Variants in MYOM3 observed in about 807,000 individuals in gnomAD.
MYOM3 encodes myomesin-3.
A neutral mutation model predicts 191.7 loss-of-function variants in MYOM3; 155 were observed. That is an observed-to-expected ratio of 0.81 (90% CI 0.71 to 0.92). MYOM3 has a LOEUF of 0.92. MYOM3 is among the 40% of genes least tolerant of loss of function. MYOM3 has a pLI of 0.00. For synonymous variants in MYOM3, 757 were observed against 762.9 expected (o/e 0.99, Z 0.13); for missense variants, 1,889 against 1,890.6 (o/e 1.00, Z 0.02).
rs566350431 is a variant in MYOM3, at chr1:24,074,133, TGGCAGGGAGCG to T, written c.2968+16_2968+26del. Reference sequence around the variant, plus strand: ...GTTTGGGACTCTCTCTCTGGGGAGGTGGCAGGGAGCGGGGTAGGTGCATTACCTTCCTCGGT... The same window carrying T: ...GTTTGGGACTCTCTCTCTGGGGAGGTGGGTAGGTGCATTACCTTCCTCGGT... On this transcript the variant is annotated intron_variant, in intron 23 of 36. Coordinates refer to ENST00000374434, the MANE Select transcript of MYOM3 (RefSeq NM_152372.4). 8.1e-5 allele frequency: 126 copies of T among 1,556,040 alleles called. 1 individual carries two copies. The African/African-American group carries it at 1.5e-3, about 19-fold the overall frequency.
At chr1:24,107,620 C>T (rs374610636) in intron 3 of MYOM3, among the ~76,000 whole-genome samples, 3 of 152,196 alleles carry the variant, frequency 2.0e-5, no homozygotes, top group African/African-American at 7.2e-5. Flanking sequence ...TGCCTCTCCA[C>T]GCCGGCACAC....
In MYOM3 at chr1:24,081,403, G is replaced by C. The variant is rs1299129846; in HGVS notation, c.2334C>G (p.Asn778Lys). The part of the protein sequence containing the change: ...HFYEFRARAA[N>K]WAGVGELSAP... ...CCGACAGCTCGCCAACACCTGCCCA[G>C]TTGGCAGCCCGGGCACGGAACTCAT... The change falls in exon 19 of 37, where the codon AAC becomes AAG. Residue 778 changes from asparagine (N) to lysine (K), a missense_variant. Coordinates refer to ENST00000374434, the MANE Select transcript of MYOM3 (RefSeq NM_152372.4). 2.7e-5 allele frequency: 43 copies of C among 1,614,080 alleles called. No individual in the cohort carries two copies. Among genetic ancestry groups the C allele is most frequent in the Non-Finnish European group, 3.6e-5 (42 of 1,180,048 alleles).
Position 24,106,016 on chromosome 1 carries a change from C to T in MYOM3, c.464G>A (p.Trp155Ter). The T allele has an allele frequency of 6.2e-7, 1 of 1,613,966 alleles. No homozygotes were observed. The highest frequency in any genetic ancestry group is 8.5e-7 in the Non-Finnish European group (1 of 1,179,992). The change falls in exon 5 of 37, where the codon TGG (tryptophan) becomes TAG (stop). Residue 155 changes from tryptophan (W) to a stop codon, truncating the protein, a stop_gained. Transcript: ENST00000374434. LOFTEE classifies it high-confidence loss of function. Reference protein sequence around the residue: ...LRELCYGRGPWFWIPLRSHAV... With the variant: ...LRELCYGRGP ...GTGGGAGCGAAGAGGGATCCAGAAC[C>T]AGGGCCCGCGGCCGTAGCACAGCTC...
chr1:24,091,134 G>T, intron 11 of MYOM3, 138 bp from the exon 12 acceptor site: 1 of 1,028,614 alleles, frequency 9.7e-7, no homozygotes, highest in Non-Finnish European at 1.4e-6. Flanking sequence ...CTCTCCAATG[G>T]AAGAGCCTGG....
chr1:24,090,327 G>A (rs1643801166), intron 12 of MYOM3, among the ~76,000 whole-genome samples: 2 of 152,328 alleles, frequency 1.3e-5, no homozygotes, highest in Non-Finnish European at 2.9e-5. Flanking sequence ...CCTGGCACAT[G>A]CTCTTCCTCT....
At chr1:24,108,842 G>A (rs1424765935) in intron 1 of MYOM3, among the ~76,000 whole-genome samples, 188 bp from the exon 2 acceptor site, 1 of 152,204 alleles carries the variant, frequency 6.6e-6, no homozygotes, top group Non-Finnish European at 1.5e-5. Context: ...CAGGCCTTGG[G>A]CTCTGAGCCA....
At position 24,068,041 on chromosome 1, in the gene MYOM3, G is replaced by A. The variant is rs1411793549; in HGVS notation, c.3296-12C>T. On this transcript the variant is annotated splice_polypyrimidine_tract_variant and intron_variant, in intron 26 of 36. Transcript: ENST00000374434. ...AAGCTTGTCAAAATCTGTGAACACA[G>A]AGGGAGGAACTGGCATGAGCCGAGA... 1.2e-6 allele frequency: 2 copies of A among 1,614,162 alleles called. No homozygotes were observed. The highest frequency in any genetic ancestry group is 8.5e-7 in the Non-Finnish European group (1 of 1,179,974).
Position 24,084,584 on chromosome 1 carries a change from G to A in MYOM3, c.1854C>T (p.Val618=). The part of the protein sequence containing the change: ...VQAFRDTQTS[V]SLTWDPVKDP... ...CTTTCACAGGATCCCATGTCAGGGA[G>A]ACAGAGGTCTGTGTGTCTCTGAAAG... Residue 618 remains valine (V), a synonymous_variant, in exon 16 of 37, where the codon GTC becomes GTT. Transcript: ENST00000374434. 1 of 1,614,130 alleles carries A rather than the reference G, an allele frequency of 6.2e-7. No homozygotes were observed. The highest frequency in any genetic ancestry group is 8.5e-7 in the Non-Finnish European group (1 of 1,180,000).
In MYOM3 at chr1:24,057,582, T is replaced by A; in HGVS notation, c.4096A>T (p.Ile1366Phe). The A allele has an allele frequency of 6.2e-7, 1 of 1,614,090 alleles. No individual in the cohort carries two copies. Among genetic ancestry groups the A allele is most frequent in the Non-Finnish European group, 8.5e-7 (1 of 1,180,008 alleles). Residue 1366 changes from isoleucine (I) to phenylalanine (F), a missense_variant, in exon 37 of 37, where the codon ATC becomes TTC. Coordinates refer to ENST00000374434, the MANE Select transcript of MYOM3 (RefSeq NM_152372.4). ...GGCTGGTCATTCTTCAGCCAAGAGA[T>A]TTCAGGGGTGGGGTCTCCTGAGACG... ...CIVSGDPTPE[I>F]SWLKNDQPVT...
intron 34 of MYOM3, 80 bp from the exon 35 acceptor site, chr1:24,061,162 T>A: frequency 6.2e-7 from 1 of 1,608,420 alleles, no homozygotes; most frequent in Non-Finnish European, 8.5e-7. Flanking sequence ...TGAGGGGTGA[T>A]GAAGGAAAGG....
rs974422122 is a variant in MYOM3, at chr1:24,063,663, G to C, written c.3623-133C>G. 1.0e-6 allele frequency: 1 copy of C among 990,960 alleles called. No homozygotes were observed. The allele number at this position is 990,960 out of a possible 1,614,324, so 61.4% of individuals were successfully genotyped here. ...AGGGGGACAGGCAACTCTGTAGGAT[G>C]ACTCTCATAGCTTGGGGATAGGAGG... On this transcript the variant is annotated intron_variant, in intron 30 of 36. Transcript: ENST00000374434. This position sits in a 1 kb window ranked among gnomAD's most constrained non-coding sequence, Gnocchi z 4.5.
intron 6 of MYOM3, 81 bp downstream of exon 6, chr1:24,099,599 G>A: frequency 2.7e-6 from 3 of 1,122,852 alleles, no homozygotes; most frequent in East Asian, 2.4e-5. Flanking sequence ...CCTCAGCTCC[G>A]AGGAAGGGTT....
chr1:24,067,342 TTCTTTC>T (rs1233969938), intron 27 of MYOM3, among the ~76,000 whole-genome samples: 1 of 75,742 alleles, frequency 1.3e-5, no homozygotes, highest in African/African-American at 5.2e-5. Context: ...CTTTCTTTCT[TTCTTTC>T]TTTCTTTCTT....
chr1:24,065,383 G>A (rs150854094), intron 29 of MYOM3, among the ~76,000 whole-genome samples: 151 of 152,332 alleles, frequency 9.9e-4, no homozygotes, highest in African/African-American at 3.6e-3. Context: ...TCCACCAAAG[G>A]CCATGGGGGA....
Position 24,099,692 on chromosome 1 carries a change from A to T in MYOM3, c.644T>A (p.Leu215Gln), listed in dbSNP as rs370483092. 2.5e-5 allele frequency: 40 copies of T among 1,612,914 alleles called. No homozygotes were observed. The African/African-American group carries it at 5.2e-4, about 21-fold the overall frequency. ...RITNNYGLLSLEIRRCAIEDS... is the reference protein window; with the variant it reads ...RITNNYGLLSQEIRRCAIEDS... ...TCTCCAGTCTCACCTCCTAATCTCC[A>T]GGGACAGCAGCCCGTAGTTGTTGGT... Residue 215 changes from leucine to glutamine, a missense_variant, in exon 6 of 37, where the codon CTG becomes CAG. Transcript: ENST00000374434.
At chr1:24,102,342 C>A (rs961484098) in intron 5 of MYOM3, among the ~76,000 whole-genome samples, 1 of 152,146 alleles carries the variant, frequency 6.6e-6, no homozygotes, top group African/African-American at 2.4e-5. Context: ...AGGCCCCCTA[C>A]CACACACCTG....
At chr1:24,069,047 A>G (rs998957099) in intron 25 of MYOM3, among the ~76,000 whole-genome samples, 2 of 152,162 alleles carry the variant, frequency 1.3e-5, no homozygotes, top group African/African-American at 4.8e-5. Context: ...TTCTTTTAAA[A>G]TAGGAAAAAC....
At chr1:24,066,779 C>T (rs11805129) in intron 28 of MYOM3, 78,783 of 500,724 alleles carry the variant, frequency 0.16, 7,222 homozygotes, top group South Asian at 0.27. Context: ...CCTTCTGGAG[C>T]CACTAGGATC....
intron 27 of MYOM3, 79 bp from the exon 28 acceptor site, chr1:24,067,167 G>T (rs1484408765): frequency 1.4e-6 from 2 of 1,395,586 alleles, no homozygotes; most frequent in African/African-American, 1.4e-5. Flanking sequence ...GGCAGTGCTG[G>T]GGGGAGGGAC....
Sources: allele counts gnomAD v4.1 joint callset (sites outside exome capture counted in the v4.1 genomes callset), GRCh38; gene constraint gnomAD v4.1.1; non-coding constraint Gnocchi (gnomAD v3.1); transcripts MANE v1.5; gene names NCBI Gene and HGNC (gene_info 2026-07-23, HGNC 2026-07-21).